PDHX: variants seen among roughly 807,000 people sequenced by gnomAD.
The protein encoded by PDHX is pyruvate dehydrogenase protein X component, mitochondrial.
PDHX carries 33 observed loss-of-function variants against 55.3 expected under a neutral mutation model. That is an observed-to-expected ratio of 0.60 (90% confidence interval 0.45 to 0.80). The LOEUF is 0.80. PDHX is among the 30% of genes least tolerant of loss of function. PDHX has a pLI of 0.00. For missense variants in PDHX, 622 were observed against 619.9 expected, an observed-to-expected ratio of 1.00 and a Z score of -0.04; for synonymous variants, 226 against 219.4, an observed-to-expected ratio of 1.03 and a Z score of -0.27.
intron 7 of PDHX, among the ~76,000 whole-genome samples, chr11:34,974,201 ATTC>A (rs1200210748): frequency 1.3e-5 from 2 of 152,148 alleles, no homozygotes; most frequent in East Asian, 1.9e-4. Context: ...GACAATCACC[ATTC>A]TTCTTTCTGT....
chr11:34,971,606 A>T (rs757213511), intron 7 of PDHX, among the ~76,000 whole-genome samples: 2 of 152,142 alleles, frequency 1.3e-5, no homozygotes, highest in Non-Finnish European at 2.9e-5. Flanking sequence ...TCAAATGTTG[A>T]ATCAACTTTG....
intron 1 of PDHX, among the ~76,000 whole-genome samples, chr11:34,927,505 TTAG>T (rs546365204): frequency 3.9e-4 from 60 of 152,180 alleles, no homozygotes; most frequent in African/African-American, 1.4e-3. Context: ...CTACACTATC[TTAG>T]TAGAGTTGAC....
chr11:34,982,588 G>A (rs903943577), intron 8 of PDHX, among the ~76,000 whole-genome samples: 6 of 151,984 alleles, frequency 3.9e-5, no homozygotes, highest in African/African-American at 7.3e-5. Flanking sequence ...TGATAAAGGC[G>A]ATATCACCAC....
At chr11:34,963,340 G>A (rs1208024281) in intron 5 of PDHX, among the ~76,000 whole-genome samples, 1 of 152,156 alleles carries the variant, frequency 6.6e-6, no homozygotes, top group Non-Finnish European at 1.5e-5. Flanking sequence ...GTGCTGTGGT[G>A]TATTCATAGC....
intron 8 of PDHX, among the ~76,000 whole-genome samples, chr11:34,980,348 G>GTTTTTTTTTTTTTTT (rs1319243948): frequency 0.018 from 545 of 29,954 alleles, 11 homozygotes; most frequent in East Asian, 0.028. Flanking sequence ...GTTTAAGATA[G>GTTTTTTTTTTTTTTT]TTTCTTTTTT....
At chr11:34,970,082 TG>T in intron 6 of PDHX, 56 bp from the exon 7 acceptor site, 3 of 1,503,124 alleles carry the variant, frequency 2.0e-6, no homozygotes, top group Non-Finnish European at 2.8e-6. Flanking sequence ...GCTTGTTTTT[TG>T]TTTTATTTTT....
chr11:34,922,324 G>A (rs1297192786), intron 1 of PDHX, among the ~76,000 whole-genome samples: 1 of 152,156 alleles, frequency 6.6e-6, no homozygotes, highest in African/African-American at 2.4e-5. Flanking sequence ...GGATAGGTTT[G>A]GGAATAATAA....
In PDHX at chr11:34,960,470, A is replaced by G. The variant is rs771180919; in HGVS notation, c.593A>G (p.Asp198Gly). 13 of 1,613,580 alleles carry G rather than the reference A, an allele frequency of 8.1e-6. No homozygotes were observed. Among genetic ancestry groups the G allele is most frequent in the Non-Finnish European group, 1.1e-5 (13 of 1,179,672 alleles). Residue 198 changes from aspartate to glycine, a missense_variant, in exon 5 of 11, where the codon GAT (aspartate) becomes GGT (glycine). By Grantham distance (94) the Asp-to-Gly change is moderately conservative. Coordinates refer to ENST00000227868, the MANE Select transcript of PDHX (RefSeq NM_003477.3). ...AATATTCTGGAAAAACACTCACTGG[A>G]TGCTAGCCAGGGCACAGCCACTGGC... is the stretch of plus-strand genomic sequence containing the variant. ...ARNILEKHSL[D>G]ASQGTATGPR... is the part of the protein sequence containing the mutation.
intron 3 of PDHX, among the ~76,000 whole-genome samples, chr11:34,952,721 C>G (rs1854805602): frequency 6.6e-6 from 1 of 150,456 alleles, no homozygotes; most frequent in Non-Finnish European, 1.5e-5. Flanking sequence ...ATGACAAACC[C>G]ACAGCCAATA....
intron 1 of PDHX, among the ~76,000 whole-genome samples, chr11:34,930,673 C>T (rs758389865): frequency 7.9e-5 from 12 of 152,106 alleles, no homozygotes; most frequent in Non-Finnish European, 1.5e-4. Context: ...GGAAGTGCAG[C>T]CGGACAAATA....
intron 3 of PDHX, among the ~76,000 whole-genome samples, chr11:34,951,324 G>T (rs952731331): frequency 2.0e-5 from 3 of 150,488 alleles, no homozygotes; most frequent in African/African-American, 5.0e-5. Flanking sequence ...CTCCCAAAGT[G>T]CTGGGATTAC....
At chr11:34,927,306 C>A (rs1854049652) in intron 1 of PDHX, among the ~76,000 whole-genome samples, 1 of 152,034 alleles carries the variant, frequency 6.6e-6, no homozygotes, top group East Asian at 1.9e-4. Context: ...AAACTACTTA[C>A]CTGTAGTTGT....
chr11:34,951,615 C>T (rs575932525), intron 3 of PDHX, among the ~76,000 whole-genome samples: 16 of 152,116 alleles, frequency 1.1e-4, no homozygotes, highest in African/African-American at 2.7e-4. Context: ...CAGATGAGTA[C>T]GTTGCGGAAA....
chr11:34,952,406 A>T (rs1854796243), intron 3 of PDHX, among the ~76,000 whole-genome samples: 1 of 152,226 alleles, frequency 6.6e-6, no homozygotes, highest in African/African-American at 2.4e-5. Context: ...ATTTTAGACC[A>T]GTATCCTTGG....
In PDHX at chr11:34,995,964, C is replaced by T. The variant is rs1001007484; in HGVS notation, c.*792C>T. The T allele has an allele frequency of 3.9e-5, 6 of 152,168 alleles. No homozygotes were observed. The highest frequency in any genetic ancestry group is 1.2e-4 in the African/African-American group (5 of 41,446). The allele number at this position is 152,168 out of a possible 1,614,324, so 9.4% of individuals were successfully genotyped here. A position where few individuals can be genotyped will look rare whatever the true frequency, so the allele number is the denominator to read the frequency against. On this transcript the variant is annotated 3_prime_UTR_variant, in exon 11 of 11. Coordinates refer to ENST00000227868, the MANE Select transcript of PDHX (RefSeq NM_003477.3). ...TATATTTAAATAAATTGTGTTATCT[C>T]TTGCCAAACATTTTGTTAGTGTTTA...
chr11:34,975,751 C>T (rs1159758250), intron 7 of PDHX, among the ~76,000 whole-genome samples: 2 of 152,170 alleles, frequency 1.3e-5, no homozygotes, highest in Non-Finnish European at 2.9e-5. Context: ...TGCTTTGTAA[C>T]CTCCGCTCCC....
intron 2 of PDHX, chr11:34,941,990 TTCAA>T (rs1854499010): frequency 6.6e-6 from 1 of 152,620 alleles, no homozygotes; most frequent in Non-Finnish European, 1.5e-5. Flanking sequence ...CATCTCTTTC[TTCAA>T]TCAGTCAGCT....
intron 3 of PDHX, among the ~76,000 whole-genome samples, chr11:34,952,232 T>C (rs1362141466): frequency 6.6e-6 from 1 of 152,052 alleles, no homozygotes; most frequent in Non-Finnish European, 1.5e-5. Flanking sequence ...CAGGACCAGA[T>C]GGATTCACAG....
chr11:34,947,562 G>A lies in PDHX; in HGVS notation c.298G>A (p.Val100Ile). ...TGAAATTGAGACTGACAAAGCTGTG[G>A]TTACCTTAGATGCAAGTGATGATGG... ...LCEIETDKAVVTLDASDDGIL... is the reference protein window; with the variant it reads ...LCEIETDKAVITLDASDDGIL... Residue 100 changes from valine (V) to isoleucine (I), a missense_variant, in exon 3 of 11, where the codon GTT becomes ATT. Val to Ile is a conservative substitution (Grantham distance 29). Coordinates refer to ENST00000227868, the MANE Select transcript of PDHX (RefSeq NM_003477.3). 6.2e-7 allele frequency: 1 copy of A among 1,613,592 alleles called. No individual in the cohort carries two copies. The highest frequency in any genetic ancestry group is 1.1e-5 in the South Asian group (1 of 91,070).
Sources: allele counts gnomAD v4.1 joint callset (sites outside exome capture counted in the v4.1 genomes callset), GRCh38; gene constraint gnomAD v4.1.1; transcripts MANE v1.5; gene names NCBI Gene and HGNC (gene_info 2026-07-23, HGNC 2026-07-21).